Variants in RIC1 observed in about 807,000 individuals in gnomAD.
RIC1 encodes the protein guanine nucleotide exchange factor subunit RIC1.
Under a neutral mutation model 169.0 loss-of-function variants are expected in RIC1, and 88 were observed. That is an observed-to-expected ratio of 0.52 (90% CI 0.44 to 0.62). RIC1 has a LOEUF of 0.62. RIC1 is among the 20% of genes least tolerant of loss of function. The pLI is 0.00. For synonymous variants in RIC1, 790 were observed against 601.5 expected (o/e 1.31, Z -4.59); for missense variants, 1,877 against 1,725.5 (o/e 1.09, Z -1.56).
At chr9:5,756,568 T>A (rs1245678803) in intron 16 of RIC1, among the ~76,000 whole-genome samples, 196 bp downstream of exon 16, 1 of 152,204 alleles carries the variant, frequency 6.6e-6, no homozygotes, top group African/African-American at 2.4e-5. Flanking sequence ...TACACTAACT[T>A]CTTTAGCTTA....
At chr9:5,724,549 A>G (rs193237145) in intron 6 of RIC1, among the ~76,000 whole-genome samples, 4 of 152,188 alleles carry the variant, frequency 2.6e-5, no homozygotes, top group East Asian at 3.9e-4. Flanking sequence ...AATACCCTTT[A>G]TTTCTTTCTT....
intron 1 of RIC1, among the ~76,000 whole-genome samples, chr9:5,634,705 A>G (rs1009148793): frequency 6.6e-6 from 1 of 152,090 alleles, no homozygotes; most frequent in African/African-American, 2.4e-5. Context: ...TTACTGTACA[A>G]TAACTTAATT....
rs771392892 is a variant in RIC1, at chr9:5,757,466, T to A, written c.1992+15T>A. The A allele has an allele frequency of 6.2e-6, 10 of 1,613,388 alleles. No individual in the cohort carries two copies. In the South Asian group the frequency reaches 8.8e-5, roughly 14 times the overall value. On this transcript the variant is annotated intron_variant, in intron 17 of 25. Transcript: ENST00000414202. ...TGCCACAGCAGGTACCACTCCATTA[T>A]CAAAGGTCTTTGGAGTTTACATTTC... is the stretch of plus-strand genomic sequence containing the variant.
intron 6 of RIC1, among the ~76,000 whole-genome samples, chr9:5,728,722 C>A (rs1200607748): frequency 6.6e-6 from 1 of 152,164 alleles, no homozygotes; most frequent in Non-Finnish European, 1.5e-5. Context: ...CTGGCCTGCT[C>A]CAAATTAGAC....
intron 3 of RIC1, among the ~76,000 whole-genome samples, chr9:5,704,215 C>G (rs1256227826): frequency 6.9e-6 from 1 of 145,402 alleles, no homozygotes; most frequent in African/African-American, 2.5e-5. Context: ...TTCCCACTGT[C>G]TTTTTTTTTT....
chr9:5,770,004 A>G, intron 22 of RIC1, 83 bp from the exon 23 acceptor site: 1 of 1,230,378 alleles, frequency 8.1e-7, no homozygotes, highest in Non-Finnish European at 1.1e-6. Context: ...AGGTAGGGGA[A>G]GCTAAAAGAG....
intron 3 of RIC1, among the ~76,000 whole-genome samples, chr9:5,710,627 G>A (rs926200181): frequency 3.3e-5 from 5 of 152,152 alleles, no homozygotes; most frequent in African/African-American, 7.2e-5. Context: ...TTTTAGGAAA[G>A]TTTCCAGTGT....
chr9:5,667,550 G>T (rs1428408709), intron 2 of RIC1, among the ~76,000 whole-genome samples: 1 of 149,016 alleles, frequency 6.7e-6, no homozygotes, highest in Non-Finnish European at 1.5e-5. Context: ...TGTTGCCCAG[G>T]CTGAAATGCA....
chr9:5,730,666 T>G (rs1824317463), intron 6 of RIC1, among the ~76,000 whole-genome samples: 1 of 152,176 alleles, frequency 6.6e-6, no homozygotes, highest in Non-Finnish European at 1.5e-5. Flanking sequence ...GACTTTTGGG[T>G]ACTCATGATT....
intron 12 of RIC1, among the ~76,000 whole-genome samples, chr9:5,750,156 T>A (rs766210655): frequency 4.6e-5 from 7 of 151,886 alleles, no homozygotes; most frequent in Non-Finnish European, 8.8e-5. Flanking sequence ...ACTTTTGAAG[T>A]CATTTGTTGA....
intron 21 of RIC1, 47 bp downstream of exon 21, chr9:5,765,845 A>G (rs773777754): frequency 1.9e-6 from 3 of 1,598,890 alleles, no homozygotes; most frequent in Admixed American, 3.5e-5. Flanking sequence ...TTCATGACAC[A>G]TTGCATTTCA....
chr9:5,659,302 T>G lies in RIC1; in HGVS notation c.252+2612T>G, dbSNP rs116729692. 5.3e-3 allele frequency among the ~76,000 whole-genome samples: 803 copies of G among 152,264 alleles called. 11 individuals carry two copies. Among genetic ancestry groups the G allele is most frequent in the African/African-American group, 0.018 (768 of 41,566 alleles). Reference sequence around the variant, plus strand: ...ACCACAGTTTTTAAATTACTGTGGCTTTGTAGTAACTTTTGAAATCAGGAA... The same window carrying G: ...ACCACAGTTTTTAAATTACTGTGGCGTTGTAGTAACTTTTGAAATCAGGAA... On this transcript the variant is annotated intron_variant, in intron 2 of 25. Transcript: ENST00000414202.
chr9:5,678,566 A>T (rs201220914), intron 2 of RIC1, among the ~76,000 whole-genome samples: 1 of 151,990 alleles, frequency 6.6e-6, no homozygotes, highest in Admixed American at 6.6e-5. Flanking sequence ...GATATCTCAT[A>T]GTGGCTTTGA....
At chr9:5,734,179 T>A (rs1824552096) in intron 7 of RIC1, among the ~76,000 whole-genome samples, 1 of 151,730 alleles carries the variant, frequency 6.6e-6, no homozygotes, top group Admixed American at 6.6e-5. Context: ...TGATCTTGGC[T>A]CACCGCAACC....
intron 4 of RIC1, among the ~76,000 whole-genome samples, chr9:5,716,105 A>G (rs189555276): frequency 6.6e-6 from 1 of 152,016 alleles, no homozygotes; most frequent in Non-Finnish European, 1.5e-5. Flanking sequence ...TGGCCTCTCA[A>G]AGTGCTGGGA....
rs1410824512 is a variant in RIC1, at chr9:5,763,809, G to C, written c.2782G>C (p.Glu928Gln). Reference sequence around the variant, plus strand: ...TGTTGGAAACCCTAAGGACTTGTTTGAGGAGTGTTTGATGGCTCAGGATTT... The same window carrying C: ...TGTTGGAAACCCTAAGGACTTGTTTCAGGAGTGTTTGATGGCTCAGGATTT... The part of the protein sequence containing the change: ...AAVGNPKDLF[E>Q]ECLMAQDLDT... The change falls in exon 19 of 26, where the codon GAG becomes CAG. Residue 928 changes from glutamate to glutamine, a missense_variant. Transcript: ENST00000414202. The surrounding 1 kb of genome is among the most constrained non-coding windows in gnomAD (Gnocchi z 5.2). The C allele has an allele frequency of 6.2e-7, 1 of 1,614,182 alleles. No homozygotes were observed. The highest frequency in any genetic ancestry group is 1.7e-5 in the Admixed American group (1 of 60,024).
intron 4 of RIC1, among the ~76,000 whole-genome samples, 176 bp downstream of exon 4, chr9:5,714,179 A>G (rs1398621635): frequency 6.6e-6 from 1 of 152,230 alleles, no homozygotes; most frequent in Non-Finnish European, 1.5e-5. Flanking sequence ...ATGGCACTTA[A>G]TACTTAAATT....
intron 3 of RIC1, among the ~76,000 whole-genome samples, chr9:5,699,823 T>C (rs1427915470): frequency 2.0e-5 from 3 of 152,136 alleles, no homozygotes; most frequent in Non-Finnish European, 2.9e-5. Context: ...TTAGTGGTGG[T>C]TTACCAAGAT....
Position 5,765,736 on chromosome 9 carries a change from T to G in RIC1, c.3075T>G (p.Val1025=), listed in dbSNP as rs756531794. 3.1e-6 allele frequency: 5 copies of G among 1,613,782 alleles called. No individual in the cohort carries two copies. The highest frequency in any genetic ancestry group is 1.7e-4 in the Middle Eastern group (1 of 6,058). ...SISLSQSAEN[V]PASKFSLQKT... is the part of the protein sequence containing the mutation. ...GTTTATCCCAGTCAGCTGAAAATGT[T>G]CCTGCCAGTAAATTCAGTTTACAGA... Residue 1025 remains valine (V), a synonymous_variant, in exon 21 of 26, where the codon GTT becomes GTG. Transcript: ENST00000414202.
Sources: gnomAD v4.1 joint callset for allele counts (sites outside exome capture counted in the v4.1 genomes callset) on GRCh38, gnomAD v4.1.1 for gene constraint, Gnocchi (gnomAD v3.1) non-coding constraint, MANE v1.5 for transcripts, NCBI Gene and HGNC (gene_info 2026-07-23, HGNC 2026-07-21) for gene names.